ITGAV: variants seen among roughly 807,000 people sequenced by gnomAD.
ITGAV encodes the protein integrin alpha-V.
Under a neutral mutation model 143.8 loss-of-function variants are expected in ITGAV, and 76 were observed. The ratio of observed to expected loss-of-function variants is 0.53; its 90% CI spans 0.44 to 0.64. The LOEUF (loss-of-function observed/expected upper bound fraction) is 0.64. ITGAV is among the 30% of genes least tolerant of loss of function. The pLI is 0.00. For missense variants in ITGAV, 1,193 were observed against 1,274.7 expected (o/e 0.94, Z 0.98); for synonymous variants, 453 against 446.7 (o/e 1.01, Z -0.18).
intron 4 of ITGAV, 85 bp from the exon 5 acceptor site, chr2:186,630,712 A>C: frequency 1.3e-6 from 1 of 748,286 alleles, no homozygotes; most frequent in Non-Finnish European, 2.4e-6. Context: ...TTATCTTATG[A>C]TTCTAGTGAT....
At chr2:186,602,292 C>T (rs1018649327) in intron 2 of ITGAV, 141 bp downstream of exon 2, 32 of 580,194 alleles carry the variant, frequency 5.5e-5, no homozygotes, top group Non-Finnish European at 7.9e-5. Flanking sequence ...TAAAGACAAA[C>T]GATTTATTAT....
Position 186,654,648 on chromosome 2 carries a change from A to G in ITGAV, c.1506-2A>G. 1.3e-6 allele frequency: 2 copies of G among 1,485,234 alleles called. No homozygotes were observed. Among genetic ancestry groups the G allele is most frequent in the Non-Finnish European group, 1.9e-6 (2 of 1,077,004 alleles). 92.0% of individuals were successfully genotyped at this position (1,485,234 alleles called of 1,614,324 possible). A position where few individuals can be genotyped will look rare whatever the true frequency, so the allele number is the denominator to read the frequency against. ...TTATGTATGTTTTTTATTTTTCCAC[A>G]GTTTTAATGTTAGGTTCTGCTTAAA... On this transcript the variant is annotated splice_acceptor_variant, in intron 15 of 29. Coordinates refer to ENST00000261023, the MANE Select transcript of ITGAV (RefSeq NM_002210.5). LOFTEE classifies it high-confidence loss of function.
chr2:186,669,847 C>A, intron 26 of ITGAV, 33 bp downstream of exon 26: 2 of 1,395,578 alleles, frequency 1.4e-6, no homozygotes, highest in Non-Finnish European at 2.0e-6. Flanking sequence ...GCACCATAGA[C>A]ATTTAAAAAT....
chr2:186,611,964 C>T (rs1175495904), intron 2 of ITGAV, among the ~76,000 whole-genome samples: 1 of 151,986 alleles, frequency 6.6e-6, no homozygotes, highest in East Asian at 1.9e-4. Context: ...AAAGTAATTG[C>T]GATTTTTGCC....
chr2:186,590,338 G>C lies in ITGAV; in HGVS notation c.-1G>C, dbSNP rs1430065170. 3.2e-6 allele frequency: 5 copies of C among 1,579,232 alleles called. No individual in the cohort carries two copies. Among genetic ancestry groups the C allele is most frequent in the Middle Eastern group, 2.3e-4 (1 of 4,368 alleles). ...CTTGGCGTCCCGCGCGCACTTCGGC[G>C]ATGGCTTTTCCGCCGCGGCGACGGC... On this transcript the variant is annotated 5_prime_UTR_variant, in exon 1 of 30. Coordinates refer to ENST00000261023, the MANE Select transcript of ITGAV (RefSeq NM_002210.5).
Position 186,642,526 on chromosome 2 carries a change from CTTTTTTTTCT to C in ITGAV, c.1159+947_1159+956del, listed in dbSNP as rs1168340847. 1.2e-4 allele frequency among the ~76,000 whole-genome samples: 15 copies of C among 127,510 alleles called. No homozygotes were observed. In the South Asian group the frequency reaches 3.2e-3, roughly 28 times the overall value. 83.7% of individuals were successfully genotyped at this position (127,510 alleles called of 152,430 possible). A position where few individuals can be genotyped will look rare whatever the true frequency, so the allele number is the denominator to read the frequency against. On this transcript the variant is annotated intron_variant, in intron 12 of 29. Transcript: ENST00000261023. ...GTCATTTCTTTTTCTTTGTTTCTTTCTTTTTTTTCTTTTTTTTTTTTTTTTTGAGGCAGGG... is the reference window on the plus strand; with the variant it reads ...GTCATTTCTTTTTCTTTGTTTCTTTCTTTTTTTTTTTTTTTTGAGGCAGGG...
intron 3 of ITGAV, among the ~76,000 whole-genome samples, chr2:186,624,508 G>A (rs891935056): frequency 6.6e-6 from 1 of 152,176 alleles, no homozygotes; most frequent in Non-Finnish European, 1.5e-5. Context: ...TCAAGTACGT[G>A]TAGAGAAGTA....
intron 18 of ITGAV, 61 bp from the exon 19 acceptor site, chr2:186,663,707 C>A: frequency 8.5e-7 from 1 of 1,178,008 alleles, no homozygotes; most frequent in Non-Finnish European, 1.3e-6. Flanking sequence ...TATTGATAAA[C>A]ACTGCTTATG....
chr2:186,611,759 G>A (rs1023577985), intron 2 of ITGAV, among the ~76,000 whole-genome samples: 12 of 152,286 alleles, frequency 7.9e-5, no homozygotes, highest in African/African-American at 2.9e-4. Flanking sequence ...GGGTTGCCAT[G>A]TAGATCAAAT....
In ITGAV at chr2:186,641,587, T is replaced by C. The variant is rs1688105329; in HGVS notation, c.1158T>C (p.Asn386=). 3 of 1,613,638 alleles carry C rather than the reference T, an allele frequency of 1.9e-6. No individual in the cohort carries two copies. The highest frequency in any genetic ancestry group is 2.5e-6 in the Non-Finnish European group (3 of 1,179,686). Residue 386 remains asparagine, a splice_region_variant and synonymous_variant, in exon 12 of 30, where the codon AAT becomes AAC. Transcript: ENST00000261023. Reference sequence around the variant, plus strand: ...GAGATCTGGACCAGGATGGTTTCAATGGTAAGATCAAAGTTTAGCAGCTAC... The same window carrying C: ...GAGATCTGGACCAGGATGGTTTCAACGGTAAGATCAAAGTTTAGCAGCTAC... ...PLGDLDQDGF[N]DIAIAAPYGG...
chr2:186,678,874 G>A lies in ITGAV; in HGVS notation c.*1582G>A, dbSNP rs199844316. ...TTTAAAAATGATTGAAATTTATCTTGCCATATCTCATAATTTCATGCACAA... is the reference window on the plus strand; with the variant it reads ...TTTAAAAATGATTGAAATTTATCTTACCATATCTCATAATTTCATGCACAA... On this transcript the variant is annotated 3_prime_UTR_variant, in exon 30 of 30. Coordinates refer to ENST00000261023, the MANE Select transcript of ITGAV (RefSeq NM_002210.5). 9.0e-4 allele frequency: 342 copies of A among 381,022 alleles called. 5 individuals carry two copies. The highest frequency in any genetic ancestry group is 3.9e-3 in the South Asian group (192 of 49,448). The allele number at this position is 381,022 out of a possible 1,614,324, so 23.6% of individuals were successfully genotyped here.
intron 8 of ITGAV, among the ~76,000 whole-genome samples, chr2:186,637,392 A>C (rs1390288484): frequency 6.6e-6 from 1 of 150,806 alleles, no homozygotes; most frequent in African/African-American, 2.4e-5. Context: ...AGGTGGGAGG[A>C]TCTCCAGAGC....
intron 1 of ITGAV, chr2:186,600,261 C>T: frequency 7.2e-7 from 1 of 1,382,080 alleles, no homozygotes; most frequent in African/African-American, 1.4e-5. Context: ...ACCTCTGCCT[C>T]ACATATTCCC....
intron 1 of ITGAV, among the ~76,000 whole-genome samples, chr2:186,594,668 A>G (rs1686699476): frequency 6.6e-6 from 1 of 152,240 alleles, no homozygotes; most frequent in African/African-American, 2.4e-5. Flanking sequence ...CCAGCAAGAA[A>G]GTCCAAACCG....
intron 2 of ITGAV, among the ~76,000 whole-genome samples, chr2:186,610,500 T>C (rs1687187735): frequency 6.6e-6 from 1 of 152,220 alleles, no homozygotes; most frequent in African/African-American, 2.4e-5. Context: ...ATTTTATATG[T>C]TTATGCAATG....
intron 26 of ITGAV, among the ~76,000 whole-genome samples, chr2:186,671,524 C>T (rs995109325): frequency 2.0e-5 from 3 of 152,104 alleles, no homozygotes; most frequent in Non-Finnish European, 2.9e-5. Context: ...TCTTCCCTGA[C>T]CAACCCATGT....
At chr2:186,677,010 G>A in intron 29 of ITGAV, 75 bp downstream of exon 29, 2 of 1,488,358 alleles carry the variant, frequency 1.3e-6, no homozygotes, top group South Asian at 2.3e-5. Flanking sequence ...AAAGAAGAAT[G>A]AAAAGTAAGG....
At chr2:186,601,946 T>A in intron 1 of ITGAV, 75 bp from the exon 2 acceptor site, 1 of 1,395,850 alleles carries the variant, frequency 7.2e-7, no homozygotes, top group Non-Finnish European at 9.7e-7. Flanking sequence ...AGAGAATGAT[T>A]GCTCCTCATA....
chr2:186,646,706 T>C lies in ITGAV; in HGVS notation c.1180T>C (p.Tyr394His), dbSNP rs1688271244. The C allele has an allele frequency of 1.9e-6, 3 of 1,596,028 alleles. No individual in the cohort carries two copies. The highest frequency in any genetic ancestry group is 1.3e-5 in the African/African-American group (1 of 74,572). The change falls in exon 13 of 30, where the codon TAT (tyrosine) becomes CAT (histidine). Residue 394 changes from tyrosine (Y) to histidine (H), a missense_variant. Transcript: ENST00000261023. ...GFNDIAIAAP[Y>H]GGEDKKGIVY... is the part of the protein sequence containing the mutation. ...CACAGATATTGCAATTGCTGCTCCA[T>C]ATGGGGGTGAAGATAAAAAAGGAAT...
Sources: allele counts gnomAD v4.1 joint callset (sites outside exome capture counted in the v4.1 genomes callset), GRCh38; gene constraint gnomAD v4.1.1; transcripts MANE v1.5; gene names NCBI Gene and HGNC (gene_info 2026-07-23, HGNC 2026-07-21).